CMTM4: variants seen among roughly 807,000 people sequenced by gnomAD.
CMTM4 encodes the protein CKLF like MARVEL transmembrane domain containing 4, also known as CKLF-like MARVEL transmembrane domain-containing protein 4.
A neutral mutation model predicts 19.0 loss-of-function variants in CMTM4; 8 were observed. The observed-to-expected ratio is 0.42, with a 90% CI of 0.25 to 0.76. The LOEUF is 0.76. Among genes scored for constraint, CMTM4 ranks in the 30% least tolerant of loss-of-function variants. CMTM4 has a pLI of 0.27. For synonymous variants in CMTM4, 106 were observed against 121.1 expected, an observed-to-expected ratio of 0.88 and a Z score of 0.82; for missense variants, 228 against 290.2, an observed-to-expected ratio of 0.79 and a Z score of 1.56.
At chr16:66,607,562 C>T in the CMTM4 span, among the ~76,000 whole-genome samples, 2 of 138,010 alleles carry the variant, frequency 1.4e-5, no homozygotes, top group East Asian at 2.4e-4. Flanking sequence ...CACTTCAGGA[C>T]GCATATCATT....
chr16:66,602,524 GCTTCTT>G, the CMTM4 span, among the ~76,000 whole-genome samples: 11 of 151,090 alleles, frequency 7.3e-5, no homozygotes, highest in African/African-American at 2.2e-4. Context: ...GAGCCAATTT[GCTTCTT>G]CTTCTTCTTC....
chr16:66,667,090 C>T (rs1464075773), intron 1 of CMTM4, among the ~76,000 whole-genome samples: 1 of 152,150 alleles, frequency 6.6e-6, no homozygotes, highest in Non-Finnish European at 1.5e-5. Flanking sequence ...TTTGGGAGGC[C>T]GAGGCAGGCG....
At chr16:66,609,089 G>C in the CMTM4 span, among the ~76,000 whole-genome samples, 2 of 152,238 alleles carry the variant, frequency 1.3e-5, no homozygotes, top group Non-Finnish European at 2.9e-5. This position sits in a 1 kb window ranked among gnomAD's most constrained non-coding sequence, Gnocchi z 4.4. Flanking sequence ...GAGGCCCAGA[G>C]CCAGATCTCC....
intron 1 of CMTM4, among the ~76,000 whole-genome samples, chr16:66,695,418 G>A (rs2017215188): frequency 6.6e-6 from 1 of 152,188 alleles, no homozygotes; most frequent in South Asian, 2.1e-4. Context: ...TGAGGCCGGT[G>A]GCCTCAGAAG....
At chr16:66,688,527 AACACACACACAC>A (rs59727449) in intron 1 of CMTM4, among the ~76,000 whole-genome samples, 11 of 148,478 alleles carry the variant, frequency 7.4e-5, no homozygotes, top group Admixed American at 1.4e-4. Context: ...CACTCCCCTC[AACACACACACAC>A]ACACACACAC....
chr16:66,653,730 T>C (rs930002887), intron 1 of CMTM4, among the ~76,000 whole-genome samples: 9 of 152,088 alleles, frequency 5.9e-5, no homozygotes, highest in African/African-American at 2.2e-4. Context: ...ACATGGTTGG[T>C]TGGGTTTTGT....
Position 66,620,073 on chromosome 16 carries a change from C to A in CMTM4, c.*1985G>T. 1 of 985,428 alleles carries A rather than the reference C, an allele frequency of 1.0e-6. No individual in the cohort carries two copies. Among genetic ancestry groups the A allele is most frequent in the Non-Finnish European group, 1.2e-6 (1 of 829,912 alleles). The allele number at this position is 985,428 out of a possible 1,614,324, so 61.0% of individuals were successfully genotyped here. A position where few individuals can be genotyped will look rare whatever the true frequency, so the allele number is the denominator to read the frequency against. On this transcript the variant is annotated 3_prime_UTR_variant, in exon 4 of 4. Transcript: ENST00000394106. ...GCAACAAGCCCACCTGAATGGTGTTCTTGTTTTCAATCTCACTTCAAAGAT... is the reference window on the plus strand; with the variant it reads ...GCAACAAGCCCACCTGAATGGTGTTATTGTTTTCAATCTCACTTCAAAGAT...
chr16:66,668,724 TTGAAG>T (rs1234503849), intron 1 of CMTM4, among the ~76,000 whole-genome samples: 1 of 152,184 alleles, frequency 6.6e-6, no homozygotes, highest in Non-Finnish European at 1.5e-5. Flanking sequence ...ACCATGAGTT[TTGAAG>T]AGTTGAGAAA....
chr16:66,600,133 T>G, the CMTM4 span, among the ~76,000 whole-genome samples: 437 of 140,490 alleles, frequency 3.1e-3, 3 homozygotes, highest in African/African-American at 0.012. Context: ...TGTGTGTGTG[T>G]GTGTTTTTTT....
chr16:66,637,167 T>C (rs1052686537), intron 1 of CMTM4, among the ~76,000 whole-genome samples: 2 of 152,240 alleles, frequency 1.3e-5, no homozygotes, highest in African/African-American at 2.4e-5. Flanking sequence ...TTAATTCATA[T>C]GGTTTTAAAA....
chr16:66,691,148 T>C (rs1212588667), intron 1 of CMTM4, among the ~76,000 whole-genome samples: 1 of 152,108 alleles, frequency 6.6e-6, no homozygotes, highest in Non-Finnish European at 1.5e-5. Flanking sequence ...CCATCTTTTG[T>C]TATTAAAAAG....
intron 1 of CMTM4, among the ~76,000 whole-genome samples, chr16:66,658,380 C>CA (rs201677342): frequency 2.0e-5 from 3 of 151,294 alleles, no homozygotes; most frequent in Non-Finnish European, 4.4e-5. Context: ...TGAACTCAAC[C>CA]AAAAAAACAT....
rs2015648338 is a variant in CMTM4 at position 66,622,113 on chromosome 16, C to A, written c.572G>T (p.Arg191Leu). 6.2e-7 allele frequency: 1 copy of A among 1,602,774 alleles called. No homozygotes were observed. The highest frequency in any genetic ancestry group is 2.2e-5 in the East Asian group (1 of 44,648). The change falls in exon 4 of 4, where the codon CGC becomes CTC. Residue 191 changes from arginine (R) to leucine (L), a missense_variant. Physicochemically the swap from Arg to Leu is moderately radical, Grantham distance 102. This residue lies in a region of CMTM4 where 200 missense variants were observed against 226.6 expected (regional missense o/e 0.88). Coordinates refer to ENST00000394106, the MANE Select transcript of CMTM4 (RefSeq NM_181521.3). The surrounding 1 kb of genome is among the most constrained non-coding windows in gnomAD (Gnocchi z 4.0). ...ACTGTCCACATCCCTGGACTCCGTG[C>A]GGGCTCGGATGTAGTCATTGGTGCT... ...QQSTNDYIRA[R>L]TESRDVDSRP...
At chr16:66,600,149 T>G in the CMTM4 span, among the ~76,000 whole-genome samples, 1 of 148,018 alleles carries the variant, frequency 6.8e-6, no homozygotes, top group Non-Finnish European at 1.5e-5. Flanking sequence ...TTTTTTTGTT[T>G]TTTTTTTTTT....
At chr16:66,690,628 C>T (rs1394863494) in intron 1 of CMTM4, among the ~76,000 whole-genome samples, 2 of 152,184 alleles carry the variant, frequency 1.3e-5, no homozygotes, top group Non-Finnish European at 2.9e-5. Flanking sequence ...TTACCCACCC[C>T]TGAAGTGCAA....
At chr16:66,683,203 A>G (rs1393998744) in intron 1 of CMTM4, among the ~76,000 whole-genome samples, 1 of 133,744 alleles carries the variant, frequency 7.5e-6, no homozygotes, top group Non-Finnish European at 1.5e-5. Context: ...ACATATATAT[A>G]TATATATAAA....
intron 1 of CMTM4, among the ~76,000 whole-genome samples, chr16:66,648,629 G>A (rs956707331): frequency 6.6e-6 from 1 of 151,820 alleles, no homozygotes; most frequent in African/African-American, 2.4e-5. Context: ...TTGCACTCCG[G>A]CCTGGGCAAC....
intron 1 of CMTM4, among the ~76,000 whole-genome samples, chr16:66,691,090 C>A (rs936857572): frequency 6.6e-6 from 1 of 152,158 alleles, no homozygotes; most frequent in African/African-American, 2.4e-5. Context: ...GCATTCCAGC[C>A]TGCAGTGACA....
At chr16:66,667,515 CA>C (rs1343975279) in intron 1 of CMTM4, among the ~76,000 whole-genome samples, 2 of 152,060 alleles carry the variant, frequency 1.3e-5, no homozygotes, top group Admixed American at 6.6e-5. Flanking sequence ...ACATAAGATG[CA>C]TTTACACACA....
Sources: gnomAD v4.1 joint callset for allele counts (sites outside exome capture counted in the v4.1 genomes callset) on GRCh38, gnomAD v4.1.1 for gene constraint, gnomAD v4.1.1 regional missense constraint, Gnocchi (gnomAD v3.1) non-coding constraint, MANE v1.5 for transcripts, NCBI Gene and HGNC (gene_info 2026-07-23, HGNC 2026-07-21) for gene names.